TBXAS1: variants seen among roughly 807,000 people sequenced by gnomAD.
TBXAS1 encodes thromboxane A synthase 1, also known as thromboxane-A synthase.
In TBXAS1, 48 loss-of-function variants were observed where a neutral mutation model predicts 60.7. The ratio of observed to expected loss-of-function variants is 0.79; its 90% CI spans 0.63 to 1.01. The LOEUF (loss-of-function observed/expected upper bound fraction) is 1.01, where lower values mean the gene tolerates loss of function less well. Among genes scored for constraint, TBXAS1 ranks in the 50% least tolerant of loss-of-function variants. The pLI is 0.00. For synonymous variants in TBXAS1, 287 were observed against 269.7 expected, an observed-to-expected ratio of 1.06 and a Z score of -0.63; for missense variants, 685 against 686.3, an observed-to-expected ratio of 1.00 and a Z score of 0.02.
intron 12 of TBXAS1, among the ~76,000 whole-genome samples, 170 bp downstream of exon 12, chr7:140,018,003 G>A (rs1425166879): frequency 6.6e-6 from 1 of 152,322 alleles, no homozygotes; most frequent in East Asian, 1.9e-4. Flanking sequence ...TAAAGTGGGG[G>A]TGATAATAAT....
chr7:139,898,721 A>G (rs1456505136), intron 3 of TBXAS1, among the ~76,000 whole-genome samples: 4 of 152,210 alleles, frequency 2.6e-5, no homozygotes, highest in Non-Finnish European at 5.9e-5. Flanking sequence ...CGTCCCTGAC[A>G]AAGTGGCAGC....
chr7:139,933,770 A>T (rs1584887068), intron 4 of TBXAS1, among the ~76,000 whole-genome samples: 1 of 150,594 alleles, frequency 6.6e-6, no homozygotes, highest in Non-Finnish European at 1.5e-5. Flanking sequence ...TTCAGCTATA[A>T]TTAAAACAGT....
rs147054040 is a variant in TBXAS1 at position 139,896,426 on chromosome 7, T to G, written c.237-14799T>G. 2.1e-3 allele frequency among the ~76,000 whole-genome samples: 315 copies of G among 152,228 alleles called. 3 individuals are homozygous for G. The highest frequency in any genetic ancestry group is 7.0e-3 in the African/African-American group (292 of 41,530). On this transcript the variant is annotated intron_variant, in intron 3 of 12. Transcript: ENST00000448866. The surrounding 1 kb of genome is among the most constrained non-coding windows in gnomAD (Gnocchi z 4.0). ...GGAATACTGCACATCTGGGGAACCA[T>G]AAATAACTTTTTCACAGCAAGAATG...
At chr7:139,859,853 C>A (rs1471346257) in intron 1 of TBXAS1, among the ~76,000 whole-genome samples, 1 of 152,116 alleles carries the variant, frequency 6.6e-6, no homozygotes, top group Non-Finnish European at 1.5e-5. Flanking sequence ...AAAACGTTAT[C>A]TTTGGCCAGG....
intron 3 of TBXAS1, among the ~76,000 whole-genome samples, chr7:139,888,958 T>C (rs1018735006): frequency 1.5e-4 from 23 of 151,600 alleles, no homozygotes; most frequent in Non-Finnish European, 3.1e-4. Flanking sequence ...CAAAAAACAT[T>C]CTGATAGCAC....
intron 3 of TBXAS1, among the ~76,000 whole-genome samples, chr7:139,783,850 A>G (rs912891691): frequency 4.6e-5 from 7 of 152,154 alleles, no homozygotes; most frequent in African/African-American, 1.7e-4. Flanking sequence ...TGAGGTTGCC[A>G]GTGGCTTCTT....
intron 3 of TBXAS1, among the ~76,000 whole-genome samples, chr7:139,784,076 G>GGTTTTT (rs911390192): frequency 1.4e-5 from 2 of 142,322 alleles, no homozygotes; most frequent in African/African-American, 2.6e-5. Flanking sequence ...TGCTTGTTTA[G>GGTTTTT]GTTTTTGTTT....
At chr7:139,820,037 C>A (rs1798254683) in intron 4 of TBXAS1, among the ~76,000 whole-genome samples, 1 of 152,018 alleles carries the variant, frequency 6.6e-6, no homozygotes, top group African/African-American at 2.4e-5. Context: ...CTGTCAAACT[C>A]TGGATTCTAA....
chr7:139,937,247 G>A (rs1807866706), intron 5 of TBXAS1, among the ~76,000 whole-genome samples: 1 of 152,182 alleles, frequency 6.6e-6, no homozygotes, highest in Non-Finnish European at 1.5e-5. Context: ...TAGAGCAAGG[G>A]AGCTTCCAAA....
intron 4 of TBXAS1, among the ~76,000 whole-genome samples, chr7:139,930,284 G>A (rs1033437429): frequency 2.0e-5 from 3 of 152,182 alleles, no homozygotes; most frequent in Non-Finnish European, 4.4e-5. Flanking sequence ...TCTCCCACTA[G>A]AATGCAAGCT....
At chr7:139,841,479 TC>T (rs1225363126) in intron 1 of TBXAS1, among the ~76,000 whole-genome samples, 1 of 97,210 alleles carries the variant, frequency 1.0e-5, no homozygotes, top group Non-Finnish European at 1.9e-5. Context: ...TACATCTATT[TC>T]CCTTTTTTTT....
intron 3 of TBXAS1, among the ~76,000 whole-genome samples, chr7:139,907,021 C>T (rs931958128): frequency 2.0e-5 from 3 of 152,130 alleles, no homozygotes; most frequent in Non-Finnish European, 4.4e-5. Flanking sequence ...AGTCTATATG[C>T]TTTTCATTTA....
At chr7:139,855,837 C>G (rs1726825766) in intron 1 of TBXAS1, among the ~76,000 whole-genome samples, 1 of 152,192 alleles carries the variant, frequency 6.6e-6, no homozygotes, top group African/African-American at 2.4e-5. Flanking sequence ...TCTTCTTGAA[C>G]TTGAGAAGTT....
chr7:139,953,186 T>C (rs375303802), intron 5 of TBXAS1, among the ~76,000 whole-genome samples, 182 bp from the exon 6 acceptor site: 9 of 152,374 alleles, frequency 5.9e-5, no homozygotes, highest in Admixed American at 2.0e-4. Flanking sequence ...TTTAGAGCTA[T>C]TGTATTTTAT....
chr7:139,858,493 A>G (rs1050401767), intron 1 of TBXAS1, among the ~76,000 whole-genome samples: 1 of 152,334 alleles, frequency 6.6e-6, no homozygotes, highest in African/African-American at 2.4e-5. Flanking sequence ...CCTCTTAGCC[A>G]CAATGATCAT....
At chr7:139,905,044 T>TC (rs1491122255) in intron 3 of TBXAS1, among the ~76,000 whole-genome samples, 3 of 90,792 alleles carry the variant, frequency 3.3e-5, no homozygotes, top group African/African-American at 1.7e-4. Flanking sequence ...TCTTTCTTTC[T>TC]TTCTTTCTTT....
At chr7:139,940,254 G>A (rs1351494416) in intron 5 of TBXAS1, among the ~76,000 whole-genome samples, 4 of 152,164 alleles carry the variant, frequency 2.6e-5, no homozygotes, top group East Asian at 3.8e-4. Context: ...AAGATGGGTG[G>A]AGGGGACAAA....
chr7:139,950,825 C>T (rs1276746625), intron 5 of TBXAS1, among the ~76,000 whole-genome samples: 2 of 83,040 alleles, frequency 2.4e-5, no homozygotes, highest in Admixed American at 1.2e-4. Flanking sequence ...ATCTACGGGA[C>T]CCCCTCGCCC....
chr7:139,889,302 C>G (rs1040829629), intron 3 of TBXAS1, among the ~76,000 whole-genome samples: 1 of 150,612 alleles, frequency 6.6e-6, no homozygotes, highest in Non-Finnish European at 1.5e-5. Flanking sequence ...TCACTGTAAT[C>G]CTGTCGAAAA....
Sources: allele counts gnomAD v4.1 joint callset (sites outside exome capture counted in the v4.1 genomes callset), GRCh38; gene constraint gnomAD v4.1.1; non-coding constraint Gnocchi (gnomAD v3.1); transcripts MANE v1.5; gene names NCBI Gene and HGNC (gene_info 2026-07-23, HGNC 2026-07-21).